Variants in ZFHX4 observed in about 807,000 individuals in gnomAD.
The protein encoded by ZFHX4 is zinc finger homeobox 4.
ZFHX4 carries 56 observed loss-of-function variants against 267.6 expected under a neutral mutation model. The observed-to-expected ratio is 0.21, with a 90% CI of 0.17 to 0.26. The LOEUF (loss-of-function observed/expected upper bound fraction) is 0.26, where lower values mean the gene tolerates loss of function less well. Ranked by LOEUF, ZFHX4 falls within the 10% of genes least tolerant of loss-of-function variation. The probability of loss-of-function intolerance (pLI) is 1.00; values close to 1 mark genes in which losing one functional copy is unlikely to be tolerated. For missense variants in ZFHX4, 4,332 were observed against 4,420.0 expected, an observed-to-expected ratio of 0.98 and a Z score of 0.56; for synonymous variants, 1,778 against 1,665.6, an observed-to-expected ratio of 1.07 and a Z score of -1.64.
intron 3 of ZFHX4, among the ~76,000 whole-genome samples, chr8:76,719,150 ATGTGTGTGTG>A (rs10589034): frequency 0.18 from 23,796 of 134,404 alleles, 2,122 homozygotes; most frequent in African/African-American, 0.25. Context: ...GATGAATTGC[ATGTGTGTGTG>A]TGTGTGTGTG....
rs944543984 is a variant in ZFHX4, at chr8:76,785,566, G to C, written c.3325+7127G>C. Among the ~76,000 whole-genome samples, 5 of 152,162 alleles carry C rather than the reference G, an allele frequency of 3.3e-5. No homozygotes were observed. The South Asian group carries it at 6.2e-4, about 19-fold the overall frequency. ...CTTTTCTGAGAAGCGTAATACAAAG[G>C]CTAAATTGTTACCTTATGTTTTCAT... is the stretch of plus-strand genomic sequence containing the variant. On this transcript the variant is annotated intron_variant, in intron 4 of 10. Transcript: ENST00000651372.
chr8:76,861,188 T>A (rs961492205), intron 10 of ZFHX4, among the ~76,000 whole-genome samples: 3 of 152,094 alleles, frequency 2.0e-5, no homozygotes, highest in Non-Finnish European at 4.4e-5. Context: ...TGTGTGTACT[T>A]GCTGTCAGTT....
At chr8:76,698,553 G>A (rs1210151955) in intron 1 of ZFHX4, among the ~76,000 whole-genome samples, 1 of 150,988 alleles carries the variant, frequency 6.6e-6, no homozygotes, top group Non-Finnish European at 1.5e-5. Flanking sequence ...GAGAGAATGA[G>A]GGAAATGAGG....
chr8:76,803,614 A>C (rs551567934), intron 4 of ZFHX4, among the ~76,000 whole-genome samples: 1 of 152,220 alleles, frequency 6.6e-6, no homozygotes, highest in East Asian at 1.9e-4. Flanking sequence ...ACTTCTAAAA[A>C]GTATAAAGTA....
chr8:76,851,485 C>G lies in ZFHX4; in HGVS notation c.4564C>G (p.Pro1522Ala). 1 of 1,613,838 alleles carries G rather than the reference C, an allele frequency of 6.2e-7. No individual in the cohort carries two copies. Among genetic ancestry groups the G allele is most frequent in the Non-Finnish European group, 8.5e-7 (1 of 1,179,842 alleles). ...DMGSEPKRTL[P>A]FRKGPNFTME... ...GGGCTCTGAACCAAAGCGGACCTTA[C>G]CTTTTAGAAAAGGGCCCAATTTTAC... is the stretch of plus-strand genomic sequence containing the variant. The change falls in exon 10 of 11, where the codon CCT becomes GCT. Residue 1522 changes from proline (P) to alanine (A), a missense_variant. Pro to Ala is a conservative substitution (Grantham distance 27). Transcript: ENST00000651372.
chr8:76,711,859 A>G (rs1808432800), intron 3 of ZFHX4, among the ~76,000 whole-genome samples: 3 of 152,208 alleles, frequency 2.0e-5, no homozygotes, highest in Non-Finnish European at 4.4e-5. Flanking sequence ...TTCTTGGCTC[A>G]GTATGGCCAA....
chr8:76,721,035 G>A (rs1307238916), intron 3 of ZFHX4, among the ~76,000 whole-genome samples: 1 of 152,132 alleles, frequency 6.6e-6, no homozygotes, highest in Non-Finnish European at 1.5e-5. Flanking sequence ...GGCCCTGTTT[G>A]TGGCAGAAGG....
At chr8:76,701,351 G>A (rs981164442) in intron 1 of ZFHX4, among the ~76,000 whole-genome samples, 12 of 152,032 alleles carry the variant, frequency 7.9e-5, no homozygotes, top group African/African-American at 1.9e-4. Flanking sequence ...AGTTTATTGC[G>A]AAGAAATTGA....
Position 76,850,116 on chromosome 8 carries a change from T to A in ZFHX4, c.3847-129T>A. 3 of 704,560 alleles carry A rather than the reference T, an allele frequency of 4.3e-6. No individual in the cohort carries two copies. The Admixed American group carries it at 8.0e-5, about 19-fold the overall frequency. The allele number at this position is 704,560 out of a possible 1,614,324, so 43.6% of individuals were successfully genotyped here. The stretch of plus-strand genomic sequence containing the variant: ...CAAGGTGTGGCATTGATCTGTAACA[T>A]CTGCAAAACATCCCTGCTTTGGCTA... On this transcript the variant is annotated intron_variant, in intron 8 of 10. Coordinates refer to ENST00000651372, the MANE Select transcript of ZFHX4 (RefSeq NM_024721.5).
intron 3 of ZFHX4, among the ~76,000 whole-genome samples, chr8:76,741,935 A>G (rs1023705303): frequency 6.6e-6 from 1 of 152,208 alleles, no homozygotes; most frequent in Non-Finnish European, 1.5e-5. Context: ...ATTTTTGGTC[A>G]TATTTTCCAG....
At chr8:76,823,537 C>T (rs1811708719) in intron 4 of ZFHX4, among the ~76,000 whole-genome samples, 1 of 152,174 alleles carries the variant, frequency 6.6e-6, no homozygotes, top group South Asian at 2.1e-4. Flanking sequence ...CTTTCACTAA[C>T]TTTTCCTTTC....
intron 4 of ZFHX4, among the ~76,000 whole-genome samples, chr8:76,793,694 TA>T (rs1285082649): frequency 6.6e-6 from 1 of 152,218 alleles, no homozygotes; most frequent in African/African-American, 2.4e-5. Flanking sequence ...AGGAATCATG[TA>T]AAAAGACTAT....
intron 4 of ZFHX4, among the ~76,000 whole-genome samples, chr8:76,807,254 G>T (rs962300566): frequency 1.4e-4 from 22 of 151,978 alleles, no homozygotes; most frequent in Admixed American, 1.4e-3. Context: ...GAAAACACAA[G>T]TGGTATAGTG....
At chr8:76,732,028 G>A (rs1308849586) in intron 3 of ZFHX4, among the ~76,000 whole-genome samples, 2 of 151,966 alleles carry the variant, frequency 1.3e-5, no homozygotes, top group Admixed American at 6.6e-5. Flanking sequence ...TTTTAGTAGA[G>A]ACAGGATTTC....
intron 4 of ZFHX4, among the ~76,000 whole-genome samples, chr8:76,787,671 G>A (rs1481351844): frequency 1.3e-5 from 2 of 151,174 alleles, no homozygotes; most frequent in African/African-American, 4.9e-5. Context: ...AAATTAGCCG[G>A]GCATGGTGGC....
At chr8:76,833,288 AG>A (rs764245523) in intron 4 of ZFHX4, 49 bp from the exon 5 acceptor site, 5 of 1,517,848 alleles carry the variant, frequency 3.3e-6, no homozygotes, top group Non-Finnish European at 4.5e-6. Flanking sequence ...CCATGATGAG[AG>A]AGCTGGATAT....
chr8:76,826,375 C>T (rs79340316), intron 4 of ZFHX4, among the ~76,000 whole-genome samples: 5,239 of 152,236 alleles, frequency 0.034, 211 homozygotes, highest in East Asian at 0.18. Context: ...GACAAACATC[C>T]AAACCATATC....
Position 76,855,200 on chromosome 8 carries a change from CA to C in ZFHX4, c.8280del (p.Glu2761SerfsTer8). 6.2e-7 allele frequency: 1 copy of C among 1,612,974 alleles called. No individual in the cohort carries two copies. ...STVSTPVSKT[A>X]ELSPKNLLSP... ...GTGTCAACACCTGTTAGTAAAACAG[CA>C]GAGCTGTCACCGAAGAATCTTTTAA... On this transcript the variant is annotated frameshift_variant, in exon 10 of 11. Transcript: ENST00000651372. LOFTEE classifies it high-confidence loss of function.
chr8:76,683,336 T>A (rs1367773544), intron 1 of ZFHX4: 1 of 42,386 alleles, frequency 2.4e-5, no homozygotes, highest in Non-Finnish European at 4.4e-5. Flanking sequence ...CGGCCCCCAC[T>A]TTGTCTTTCC....
Sources: gnomAD v4.1 joint callset for allele counts (sites outside exome capture counted in the v4.1 genomes callset) on GRCh38, gnomAD v4.1.1 for gene constraint, MANE v1.5 for transcripts, NCBI Gene and HGNC (gene_info 2026-07-23, HGNC 2026-07-21) for gene names.